The following ULK4 variants were observed in gnomAD, a reference collection of about 807,000 sequenced individuals.
ULK4 encodes inactive serine/threonine-protein kinase ULK4.
In ULK4, 133 loss-of-function variants were observed where a neutral mutation model predicts 160.6. The ratio of observed to expected loss-of-function variants is 0.83; its 90% CI spans 0.72 to 0.96. The LOEUF is 0.96. Ranked by LOEUF, ULK4 falls within the 40% of genes least tolerant of loss-of-function variation. The probability of loss-of-function intolerance (pLI) is 0.00; values close to 1 mark genes in which losing one functional copy is unlikely to be tolerated. For synonymous variants in ULK4, 534 were observed against 539.8 expected, an observed-to-expected ratio of 0.99 and a Z score of 0.15; for missense variants, 1,580 against 1,499.5, an observed-to-expected ratio of 1.05 and a Z score of -0.89.
chr3:41,286,057 AG>A (rs1410740378), intron 35 of ULK4, among the ~76,000 whole-genome samples: 4 of 152,304 alleles, frequency 2.6e-5, no homozygotes, highest in Non-Finnish European at 5.9e-5. Flanking sequence ...ATTGCCTTAA[AG>A]CTTTCCTCAA....
chr3:41,343,182 G>C (rs986666955), intron 35 of ULK4, among the ~76,000 whole-genome samples: 25 of 151,438 alleles, frequency 1.7e-4, no homozygotes, highest in African/African-American at 6.1e-4. Context: ...AGGGCAATCA[G>C]GCAAGAGAAG....
intron 32 of ULK4, among the ~76,000 whole-genome samples, chr3:41,547,524 A>C (rs930905109): frequency 3.7e-4 from 56 of 152,126 alleles, no homozygotes; most frequent in African/African-American, 1.3e-3. Context: ...AACCCTAGCC[A>C]TGGGAGAGCT....
At chr3:41,309,871 G>A (rs980467672) in intron 35 of ULK4, among the ~76,000 whole-genome samples, 3 of 150,366 alleles carry the variant, frequency 2.0e-5, no homozygotes, top group Non-Finnish European at 4.4e-5. Flanking sequence ...GTAAATATAT[G>A]GGTAAATCTA....
At chr3:41,609,170 G>C (rs1451758645) in intron 31 of ULK4, among the ~76,000 whole-genome samples, 1 of 151,706 alleles carries the variant, frequency 6.6e-6, no homozygotes, top group African/African-American at 2.4e-5. Context: ...TACAATATAT[G>C]GTTTTTAACT....
At chr3:41,255,691 T>A (rs1334540016) in intron 35 of ULK4, among the ~76,000 whole-genome samples, 2 of 152,212 alleles carry the variant, frequency 1.3e-5, no homozygotes, top group African/African-American at 4.8e-5. Flanking sequence ...TCTAAATTTG[T>A]GTGCTCCTGA....
At chr3:41,903,633 A>G (rs577088354) in intron 12 of ULK4, among the ~76,000 whole-genome samples, 1 of 152,248 alleles carries the variant, frequency 6.6e-6, no homozygotes, top group East Asian at 1.9e-4. Context: ...ACCAATTAAA[A>G]AATTGTATGC....
intron 31 of ULK4, among the ~76,000 whole-genome samples, chr3:41,595,435 C>T (rs2031628332): frequency 1.3e-5 from 2 of 152,188 alleles, no homozygotes; most frequent in African/African-American, 4.8e-5. Flanking sequence ...GAAAAGAAGG[C>T]TAATGAAGAA....
At chr3:41,674,486 T>C (rs1452180982) in intron 29 of ULK4, among the ~76,000 whole-genome samples, 1 of 152,192 alleles carries the variant, frequency 6.6e-6, no homozygotes, top group Non-Finnish European at 1.5e-5. Flanking sequence ...GTATCTTTCC[T>C]CCCAGAAGAG....
chr3:41,713,544 A>T (rs1416318985), intron 25 of ULK4, among the ~76,000 whole-genome samples: 1 of 152,236 alleles, frequency 6.6e-6, no homozygotes, highest in East Asian at 1.9e-4. Flanking sequence ...CTACGAAAAT[A>T]GACTGAAGAG....
intron 20 of ULK4, among the ~76,000 whole-genome samples, chr3:41,791,062 G>A (rs1024474907): frequency 3.9e-5 from 6 of 152,016 alleles, no homozygotes; most frequent in South Asian, 2.1e-4. Flanking sequence ...AGGAGAGAGG[G>A]ATATATAAAA....
At chr3:41,679,459 A>C (rs887786598) in intron 29 of ULK4, among the ~76,000 whole-genome samples, 26 of 152,286 alleles carry the variant, frequency 1.7e-4, no homozygotes, top group African/African-American at 6.0e-4. Flanking sequence ...CATCCAAATA[A>C]ATTGTATACC....
intron 25 of ULK4, among the ~76,000 whole-genome samples, chr3:41,714,852 T>TAAAA (rs60470015): frequency 3.0e-5 from 4 of 131,354 alleles, no homozygotes; most frequent in Non-Finnish European, 4.6e-5. Flanking sequence ...ACTCTGTCTT[T>TAAAA]AAAAAAAAAA....
chr3:41,777,295 T>C (rs2125577967), intron 21 of ULK4, among the ~76,000 whole-genome samples: 1 of 84,726 alleles, frequency 1.2e-5, no homozygotes, highest in Non-Finnish European at 2.0e-5. Context: ...TTATTGTGTC[T>C]ATTTGATTCT....
intron 32 of ULK4, among the ~76,000 whole-genome samples, chr3:41,530,912 C>T (rs1392277981): frequency 6.6e-6 from 1 of 151,692 alleles, no homozygotes. Context: ...TACAGGTGCA[C>T]GCCACCAAGC....
intron 35 of ULK4, among the ~76,000 whole-genome samples, chr3:41,353,768 A>G (rs1479287541): frequency 6.6e-6 from 1 of 151,410 alleles, no homozygotes; most frequent in Admixed American, 6.6e-5. Flanking sequence ...AAACAAAGAA[A>G]GACTGCTTTA....
At chr3:41,691,861 A>G (rs182748628) in intron 27 of ULK4, among the ~76,000 whole-genome samples, 7 of 151,614 alleles carry the variant, frequency 4.6e-5, no homozygotes, top group African/African-American at 1.7e-4. Context: ...ACCCAACACC[A>G]AACAGCAACA....
intron 32 of ULK4, among the ~76,000 whole-genome samples, chr3:41,520,835 C>T (rs1053894824): frequency 7.2e-5 from 11 of 152,104 alleles, no homozygotes; most frequent in African/African-American, 2.4e-4. Flanking sequence ...TTTTTCAATG[C>T]TTAGCAGCCA....
chr3:41,425,596 C>G (rs1463932120), intron 34 of ULK4, among the ~76,000 whole-genome samples: 1 of 151,484 alleles, frequency 6.6e-6, no homozygotes, highest in Admixed American at 6.6e-5. Flanking sequence ...CATAACCTCT[C>G]AGCAGAAGAG....
intron 34 of ULK4, 70 bp from the exon 35 acceptor site, chr3:41,398,334 A>G (rs529089828): frequency 6.5e-7 from 1 of 1,544,536 alleles, no homozygotes; most frequent in East Asian, 2.3e-5. Context: ...AAAACACAGT[A>G]AAATTTGGCT....
Sources: allele counts gnomAD v4.1 joint callset (sites outside exome capture counted in the v4.1 genomes callset), GRCh38; gene constraint gnomAD v4.1.1; transcripts MANE v1.5; gene names NCBI Gene and HGNC (gene_info 2026-07-23, HGNC 2026-07-21).